The following MAPK8 variants were observed in gnomAD, a reference collection of about 807,000 sequenced individuals.
The protein encoded by MAPK8 is mitogen-activated protein kinase 8.
A neutral mutation model predicts 52.9 loss-of-function variants in MAPK8; 13 were observed. The observed-to-expected ratio is 0.25, with a 90% CI of 0.16 to 0.39. The LOEUF (loss-of-function observed/expected upper bound fraction) is 0.39, where lower values mean the gene tolerates loss of function less well. Ranked by LOEUF, MAPK8 falls within the 10% of genes least tolerant of loss-of-function variation. The probability of loss-of-function intolerance (pLI) is 1.00; values close to 1 mark genes in which losing one functional copy is unlikely to be tolerated. For synonymous variants in MAPK8, 191 were observed against 169.8 expected (o/e 1.12, Z -0.97); for missense variants, 300 against 519.2 (o/e 0.58, Z 4.10).
chr10:48,419,673 A>G (rs1052436456), intron 5 of MAPK8, among the ~76,000 whole-genome samples: 1 of 152,220 alleles, frequency 6.6e-6, no homozygotes, highest in African/African-American at 2.4e-5. Flanking sequence ...GGTATCTGCC[A>G]GTCTAAAAGA....
chr10:48,336,793 C>A (rs910319232), intron 1 of MAPK8, among the ~76,000 whole-genome samples: 5 of 152,080 alleles, frequency 3.3e-5, no homozygotes, highest in Non-Finnish European at 5.9e-5. Flanking sequence ...ACTTTTATTT[C>A]TCAGCACTTT....
At chr10:48,358,851 A>G (rs181475487) in intron 1 of MAPK8, among the ~76,000 whole-genome samples, 17 of 152,282 alleles carry the variant, frequency 1.1e-4, no homozygotes, top group South Asian at 4.1e-4. Flanking sequence ...GTCTGGCACC[A>G]TTTGTTGAAG....
rs867909795 is a variant in MAPK8, at chr10:48,438,784, C to T, written c.*3755C>T. 3.3e-5 allele frequency: 5 copies of T among 152,140 alleles called. No homozygotes were observed. The highest frequency in any genetic ancestry group is 7.3e-5 in the Non-Finnish European group (5 of 68,032). The allele number at this position is 152,140 out of a possible 1,614,324, so 9.4% of individuals were successfully genotyped here. A position where few individuals can be genotyped will look rare whatever the true frequency, so the allele number is the denominator to read the frequency against. On this transcript the variant is annotated 3_prime_UTR_variant, in exon 12 of 12. Transcript: ENST00000374189. ...ATATACCTTACATCAGTAAGAGACA[C>T]GTGTAAAATCTTTGACTGTATGTCT...
rs1466015411 is a variant in MAPK8, at chr10:48,439,260, A to G, written c.*4231A>G. 6.7e-6 allele frequency: 1 copy of G among 149,916 alleles called. No individual in the cohort carries two copies. The highest frequency in any genetic ancestry group is 6.7e-5 in the Admixed American group (1 of 14,930). 9.3% of individuals were successfully genotyped at this position (149,916 alleles called of 1,614,324 possible). On this transcript the variant is annotated 3_prime_UTR_variant, in exon 12 of 12. Transcript: ENST00000374189. ...GTTTTTCATCATTCATGCCCTAGTC[A>G]TTAAACATGCACCACTGGAATGTAA...
chr10:48,342,421 T>TA (rs924559892), intron 1 of MAPK8, among the ~76,000 whole-genome samples: 17 of 151,968 alleles, frequency 1.1e-4, no homozygotes, highest in East Asian at 5.8e-4. Context: ...TTATTTTTTA[T>TA]AAAAAAAAAT....
chr10:48,406,967 T>G (rs768700448), intron 3 of MAPK8, among the ~76,000 whole-genome samples: 12 of 152,218 alleles, frequency 7.9e-5, no homozygotes, highest in East Asian at 1.9e-4. Flanking sequence ...CCCGTTGTCT[T>G]TCTTTGTTAC....
intron 1 of MAPK8, among the ~76,000 whole-genome samples, chr10:48,317,053 C>T (rs1037317501): frequency 2.6e-5 from 4 of 152,052 alleles, no homozygotes; most frequent in Non-Finnish European, 4.4e-5. Flanking sequence ...ACTGTTACTC[C>T]CATTTTATAC....
intron 2 of MAPK8, among the ~76,000 whole-genome samples, chr10:48,403,353 G>T (rs1194635475): frequency 6.6e-6 from 1 of 152,004 alleles, no homozygotes; most frequent in Non-Finnish European, 1.5e-5. Flanking sequence ...AGCTACTTGG[G>T]AGGCGGAGGC....
intron 1 of MAPK8, among the ~76,000 whole-genome samples, chr10:48,339,624 A>G (rs532223888): frequency 3.3e-5 from 5 of 152,298 alleles, no homozygotes; most frequent in African/African-American, 1.2e-4. Flanking sequence ...AAACAGGGTA[A>G]ACAGCGTACA....
intron 7 of MAPK8, chr10:48,425,322 TTTA>T (rs1000646837): frequency 2.0e-4 from 112 of 565,542 alleles, no homozygotes; most frequent in Non-Finnish European, 1.9e-5. Context: ...CTGAATCTTT[TTTA>T]TAAGGGTCAG....
intron 1 of MAPK8, among the ~76,000 whole-genome samples, chr10:48,332,287 C>T (rs1490067161): frequency 6.6e-6 from 1 of 152,162 alleles, no homozygotes; most frequent in East Asian, 1.9e-4. Context: ...AGGTCTTCCT[C>T]CTGTGGCCTG....
chr10:48,426,199 A>G (rs1046456489), intron 8 of MAPK8, 129 bp downstream of exon 8: 4 of 996,732 alleles, frequency 4.0e-6, no homozygotes, highest in Non-Finnish European at 5.6e-6. Context: ...ATGGTGGGGA[A>G]AAAAATGAGG....
intron 1 of MAPK8, among the ~76,000 whole-genome samples, chr10:48,389,124 C>T (rs935275752): frequency 2.6e-5 from 4 of 152,058 alleles, no homozygotes; most frequent in Admixed American, 6.5e-5. Context: ...GTATTAATTA[C>T]TTAAAATATA....
At chr10:48,383,691 GA>G (rs926707892) in intron 1 of MAPK8, among the ~76,000 whole-genome samples, 6 of 148,460 alleles carry the variant, frequency 4.0e-5, no homozygotes, top group Non-Finnish European at 9.0e-5. Flanking sequence ...TCCTGGTTTT[GA>G]AAAAAAAAAG....
chr10:48,310,202 A>C (rs1841837201), intron 1 of MAPK8, among the ~76,000 whole-genome samples: 1 of 152,176 alleles, frequency 6.6e-6, no homozygotes, highest in Admixed American at 6.5e-5. Context: ...CAAGTGCCTT[A>C]ATGTTTTTGG....
intron 1 of MAPK8, among the ~76,000 whole-genome samples, chr10:48,312,573 C>T (rs1437914126): frequency 6.6e-6 from 1 of 152,286 alleles, no homozygotes; most frequent in East Asian, 1.9e-4. Context: ...ATGTTATTTC[C>T]TAAAAGTCAT....
At chr10:48,413,613 G>T (rs1357983260) in intron 5 of MAPK8, among the ~76,000 whole-genome samples, 1 of 151,632 alleles carries the variant, frequency 6.6e-6, no homozygotes, top group Admixed American at 6.6e-5. Context: ...TGGTGCTTCT[G>T]TGGAGCTATT....
chr10:48,346,550 G>C (rs944859890), intron 1 of MAPK8, among the ~76,000 whole-genome samples: 2 of 152,150 alleles, frequency 1.3e-5, no homozygotes, highest in African/African-American at 4.8e-5. Context: ...CTGGGAAGCA[G>C]GGGGGAGGGT....
At chr10:48,426,861 G>T (rs1231064434) in intron 9 of MAPK8, 5 of 499,380 alleles carry the variant, frequency 1.0e-5, no homozygotes, top group Admixed American at 3.5e-5. Context: ...GCAATTTCAA[G>T]AGCTAGAAGA....
Sources: gnomAD v4.1 joint callset for allele counts (sites outside exome capture counted in the v4.1 genomes callset) on GRCh38, gnomAD v4.1.1 for gene constraint, MANE v1.5 for transcripts, NCBI Gene and HGNC (gene_info 2026-07-23, HGNC 2026-07-21) for gene names.